DAB1: variants seen among roughly 807,000 people sequenced by gnomAD.
The protein encoded by DAB1 is DAB adaptor protein 1.
DAB1 carries 15 observed loss-of-function variants against 64.6 expected under a neutral mutation model. The ratio of observed to expected loss-of-function variants is 0.23; its 90% CI spans 0.16 to 0.36. The LOEUF (loss-of-function observed/expected upper bound fraction) is 0.36, where lower values mean the gene tolerates loss of function less well. Among genes scored for constraint, DAB1 ranks in the 10% least tolerant of loss-of-function variants. The pLI is 1.00. For missense variants in DAB1, 596 were observed against 706.7 expected, an observed-to-expected ratio of 0.84 and a Z score of 1.78; for synonymous variants, 235 against 251.9, an observed-to-expected ratio of 0.93 and a Z score of 0.64.
chr1:57,038,530 G>GT, intron 9 of DAB1, among the ~76,000 whole-genome samples: 1 of 152,204 alleles, frequency 6.6e-6, no homozygotes, highest in African/African-American at 2.4e-5. Flanking sequence ...CCTCTTTGAG[G>GT]TTTTGTCTTT....
intron 2 of DAB1, among the ~76,000 whole-genome samples, chr1:57,146,808 G>A (rs1240585297): frequency 6.6e-6 from 1 of 152,126 alleles, no homozygotes; most frequent in Non-Finnish European, 1.5e-5. Context: ...TACGCTAAGT[G>A]TGTAAGAAGG....
At chr1:57,876,987 G>A (rs1454581263) in intron 1 of DAB1, 1 of 152,194 alleles carries the variant, frequency 6.6e-6, no homozygotes, top group African/African-American at 2.4e-5. Context: ...TTATCCCAAA[G>A]TGCACCCCTC....
intron 4 of DAB1, among the ~76,000 whole-genome samples, chr1:58,196,207 T>C (rs923316164): frequency 6.6e-6 from 1 of 152,184 alleles, no homozygotes; most frequent in African/African-American, 2.4e-5. Flanking sequence ...GGAAGTAGCA[T>C]GTGCAAATGC....
chr1:58,538,941 A>G (rs771658367), intron 1 of DAB1: 1 of 872,912 alleles, frequency 1.1e-6, no homozygotes, highest in Non-Finnish European at 2.0e-6. Flanking sequence ...ATACTGACAG[A>G]CTAGGGACTG....
chr1:58,226,882 C>A (rs901506404), intron 4 of DAB1, among the ~76,000 whole-genome samples: 2 of 152,194 alleles, frequency 1.3e-5, no homozygotes, highest in African/African-American at 2.4e-5. Flanking sequence ...ATCTCTGGCA[C>A]AGTGTCCACC....
chr1:58,127,581 T>G (rs1653201144), intron 5 of DAB1, among the ~76,000 whole-genome samples: 1 of 152,214 alleles, frequency 6.6e-6, no homozygotes. Flanking sequence ...TCTAGGGTTT[T>G]TATGGTTTTA....
At chr1:58,286,015 A>G (rs948116510) in intron 4 of DAB1, among the ~76,000 whole-genome samples, 1 of 152,180 alleles carries the variant, frequency 6.6e-6, no homozygotes, top group Non-Finnish European at 1.5e-5. Flanking sequence ...AGGACCAAAC[A>G]TCTACAACCA....
intron 7 of DAB1, among the ~76,000 whole-genome samples, chr1:57,553,786 T>A (rs546613069): frequency 6.6e-6 from 1 of 152,286 alleles, no homozygotes; most frequent in East Asian, 1.9e-4. Context: ...AGGTGAGGAC[T>A]GCAGGGCGCT....
intron 6 of DAB1, among the ~76,000 whole-genome samples, chr1:57,720,258 C>T (rs539891551): frequency 5.4e-4 from 82 of 152,206 alleles, no homozygotes; most frequent in Non-Finnish European, 1.0e-3. Context: ...CATCCATAAT[C>T]CCATTCCCTA....
intron 5 of DAB1, among the ~76,000 whole-genome samples, chr1:58,002,680 TAGAG>T (rs1481276534): frequency 6.6e-6 from 1 of 151,770 alleles, no homozygotes; most frequent in African/African-American, 2.4e-5. Context: ...TATATATATA[TAGAG>T]AGAGAGACAG....
chr1:58,214,531 G>C (rs1233686498), intron 4 of DAB1, among the ~76,000 whole-genome samples: 1 of 152,148 alleles, frequency 6.6e-6, no homozygotes, highest in Non-Finnish European at 1.5e-5. Context: ...ATATAAAATT[G>C]TGCTTGGACA....
At chr1:57,286,402 A>G (rs1672319522) in intron 2 of DAB1, among the ~76,000 whole-genome samples, 2 of 152,214 alleles carry the variant, frequency 1.3e-5, no homozygotes, top group Admixed American at 1.3e-4. Flanking sequence ...AGGTAATAAT[A>G]TAGGAAACAC....
At chr1:57,089,373 A>G (rs1175208478) in intron 4 of DAB1, among the ~76,000 whole-genome samples, 1 of 152,192 alleles carries the variant, frequency 6.6e-6, no homozygotes, top group African/African-American at 2.4e-5. Context: ...GGTAATTTAT[A>G]ACAAAAAGAT....
In DAB1 at chr1:58,118,503, T is replaced by TATATATATATATATACAC. The variant is rs1341446315; in HGVS notation, n.387+32007_387+32008insGTGTATATATATATATAT. On this transcript the variant is annotated intron_variant and non_coding_transcript_variant, in intron 5 of 20. Transcript: ENST00000485760. ...ATATATATATATATATATATATATA[T>TATATATATATATATACAC]ACACACACACACACACACATATATA... is the stretch of plus-strand genomic sequence containing the variant. 5.8e-4 allele frequency among the ~76,000 whole-genome samples: 31 copies of TATATATATATATATACAC among 53,092 alleles called. 1 individual carries two copies. Among genetic ancestry groups the TATATATATATATATACAC allele is most frequent in the East Asian group, 3.9e-3 (3 of 776 alleles). 34.8% of individuals were successfully genotyped at this position (53,092 alleles called of 152,430 possible). A position where few individuals can be genotyped will look rare whatever the true frequency, so the allele number is the denominator to read the frequency against.
intron 4 of DAB1, among the ~76,000 whole-genome samples, chr1:58,197,866 C>T (rs1657775138): frequency 6.6e-6 from 1 of 152,130 alleles, no homozygotes; most frequent in African/African-American, 2.4e-5. Flanking sequence ...GGAAATTGAG[C>T]CCCAGGCATA....
intron 11 of DAB1, among the ~76,000 whole-genome samples, chr1:57,022,851 G>A (rs1258562603): frequency 1.3e-5 from 2 of 152,274 alleles, no homozygotes; most frequent in African/African-American, 2.4e-5. Flanking sequence ...ACAGTGGCCT[G>A]GCCACATGGA....
At chr1:57,345,795 G>A (rs779102828) in intron 1 of DAB1, among the ~76,000 whole-genome samples, 6 of 152,042 alleles carry the variant, frequency 3.9e-5, no homozygotes, top group Non-Finnish European at 7.4e-5. Context: ...AATTACTGCC[G>A]GTGCCTATGC....
chr1:57,657,169 A>C (rs796977751), intron 6 of DAB1, among the ~76,000 whole-genome samples: 1 of 152,150 alleles, frequency 6.6e-6, no homozygotes, highest in East Asian at 1.9e-4. Context: ...TGGCCCTACC[A>C]CTTAATAATC....
Position 57,218,515 on chromosome 1 carries a change from T to TAAAAA in DAB1, c.67+72444_67+72448dup, listed in dbSNP as rs776398255. 6.3e-4 allele frequency among the ~76,000 whole-genome samples: 45 copies of TAAAAA among 71,438 alleles called. 1 individual carries two copies. The highest frequency in any genetic ancestry group is 4.7e-3 in the East Asian group (8 of 1,706). The allele number at this position is 71,438 out of a possible 152,430, so 46.9% of individuals were successfully genotyped here. ...AGCAACATAGTGAGACCCCCATCTC[T>TAAAAA]AAAAAAAAAAAAAAAAAAAAAAAAA... On this transcript the variant is annotated intron_variant, in intron 2 of 14. Coordinates refer to ENST00000371236, the MANE Select transcript of DAB1 (RefSeq NM_001365792.1).
Sources: allele counts gnomAD v4.1 joint callset (sites outside exome capture counted in the v4.1 genomes callset), GRCh38; gene constraint gnomAD v4.1.1; transcripts MANE v1.5; gene names NCBI Gene and HGNC (gene_info 2026-07-23, HGNC 2026-07-21).